Variants in EYS observed in about 807,000 individuals in gnomAD.
EYS encodes protein eyes shut homolog.
A neutral mutation model predicts 282.1 loss-of-function variants in EYS; 250 were observed. The observed-to-expected ratio is 0.89, with a 90% confidence interval of 0.80 to 0.98. The LOEUF is 0.98. EYS is among the 50% of genes least tolerant of loss of function. The pLI is 0.00. For missense variants in EYS, 4,016 were observed against 3,709.0 expected (o/e 1.08, Z -2.15); for synonymous variants, 1,355 against 1,282.9 (o/e 1.06, Z -1.20).
At chr6:64,099,239 A>G (rs1039746797) in intron 31 of EYS, among the ~76,000 whole-genome samples, 1 of 152,208 alleles carries the variant, frequency 6.6e-6, no homozygotes, top group Non-Finnish European at 1.5e-5. Flanking sequence ...TTTGGAAATG[A>G]GTGTTTGAGA....
intron 2 of EYS, among the ~76,000 whole-genome samples, chr6:65,622,251 C>G (rs913168566): frequency 1.5e-5 from 2 of 132,158 alleles, no homozygotes; most frequent in Non-Finnish European, 3.1e-5. Flanking sequence ...GAAATTTGAA[C>G]TTTATATTTT....
chr6:65,576,954 G>T (rs1764689907), intron 2 of EYS, among the ~76,000 whole-genome samples: 1 of 151,640 alleles, frequency 6.6e-6, no homozygotes, highest in Non-Finnish European at 1.5e-5. Flanking sequence ...TCCTCTTCAT[G>T]GATTAGAATA....
At chr6:65,624,363 G>A (rs1049918564) in intron 2 of EYS, among the ~76,000 whole-genome samples, 2 of 152,134 alleles carry the variant, frequency 1.3e-5, no homozygotes, top group African/African-American at 2.4e-5. Context: ...ACTTTGCAGA[G>A]GTGATGAAGG....
Position 64,772,063 on chromosome 6 carries a change from C to A in EYS, c.3443+41315G>T, listed in dbSNP as rs1377202264. On this transcript the variant is annotated intron_variant, in intron 22 of 42. Coordinates refer to ENST00000503581, the MANE Select transcript of EYS (RefSeq NM_001142800.2). Reference sequence around the variant, plus strand: ...TAGTAGTTTTTCACATGGAATCCTTCTTTCTTTTTTGGCATTTTCCTGTTA... The same window carrying A: ...TAGTAGTTTTTCACATGGAATCCTTATTTCTTTTTTGGCATTTTCCTGTTA... 2.0e-5 allele frequency among the ~76,000 whole-genome samples: 3 copies of A among 151,698 alleles called. No individual in the cohort carries two copies. In the East Asian group the frequency reaches 5.8e-4, roughly 29 times the overall value.
Position 64,636,405 on chromosome 6 carries a change from G to A in EYS, c.3444-10160C>T, listed in dbSNP as rs574796112. ...TAGCCATATGTAGAAAGCTGAAACT[G>A]GATCCCGTCCTTACATCTTATACAA... On this transcript the variant is annotated intron_variant, in intron 22 of 42. Coordinates refer to ENST00000503581, the MANE Select transcript of EYS (RefSeq NM_001142800.2). Among the ~76,000 whole-genome samples, 5 of 152,286 alleles carry A rather than the reference G, an allele frequency of 3.3e-5. No homozygotes were observed. The East Asian group carries it at 9.6e-4, about 29-fold the overall frequency.
intron 12 of EYS, among the ~76,000 whole-genome samples, chr6:65,207,976 C>T (rs565553545): frequency 1.3e-5 from 2 of 151,582 alleles, no homozygotes; most frequent in Non-Finnish European, 3.0e-5. Flanking sequence ...ATGACTACTA[C>T]CCTAAAAGCA....
chr6:65,554,433 T>C (rs1209279020), intron 2 of EYS, among the ~76,000 whole-genome samples: 2 of 152,166 alleles, frequency 1.3e-5, no homozygotes, highest in Admixed American at 1.3e-4. Context: ...TATACTGATA[T>C]CAGCCAAGAA....
intron 2 of EYS, among the ~76,000 whole-genome samples, chr6:65,545,545 A>G (rs1768353705): frequency 6.6e-6 from 1 of 152,176 alleles, no homozygotes; most frequent in South Asian, 2.1e-4. Context: ...CAAAGAGTAT[A>G]TTATCTGGGT....
At chr6:64,660,791 T>C (rs887961000) in intron 22 of EYS, among the ~76,000 whole-genome samples, 1 of 152,080 alleles carries the variant, frequency 6.6e-6, no homozygotes, top group African/African-American at 2.4e-5. Context: ...AGAATCAATA[T>C]CATGAAAATG....
rs550527437 is a variant in EYS, at chr6:65,003,709, C to G, written c.2138-6006G>C. Among the ~76,000 whole-genome samples, 2 of 146,984 alleles carry G rather than the reference C, an allele frequency of 1.4e-5. 1 individual carries two copies. The highest frequency in any genetic ancestry group is 4.9e-5 in the African/African-American group (2 of 41,034). ...TACTCTGTCCCTTTATTTCTCAAGC[C>G]GGCCGGCACTTAAGGAAAATAGAAA... is the stretch of plus-strand genomic sequence containing the variant. On this transcript the variant is annotated intron_variant, in intron 13 of 42. Coordinates refer to ENST00000503581, the MANE Select transcript of EYS (RefSeq NM_001142800.2).
chr6:65,320,391 C>T (rs979051613), intron 11 of EYS, among the ~76,000 whole-genome samples: 3 of 152,130 alleles, frequency 2.0e-5, no homozygotes, highest in African/African-American at 7.2e-5. Flanking sequence ...AGAGCTGCAG[C>T]CTGATATAGG....
intron 34 of EYS, among the ~76,000 whole-genome samples, chr6:63,994,950 C>T (rs1767768749): frequency 1.3e-5 from 2 of 151,738 alleles, no homozygotes; most frequent in South Asian, 4.1e-4. Flanking sequence ...GGGGAAAATG[C>T]TTCATTAGTT....
intron 1 of EYS, among the ~76,000 whole-genome samples, chr6:65,684,251 G>A (rs1483764015): frequency 6.6e-6 from 1 of 151,974 alleles, no homozygotes; most frequent in Admixed American, 6.6e-5. Flanking sequence ...AGTCATGCAG[G>A]ATTTAGTTAA....
At chr6:65,080,079 G>T (rs1774185700) in intron 12 of EYS, among the ~76,000 whole-genome samples, 1 of 152,156 alleles carries the variant, frequency 6.6e-6, no homozygotes, top group South Asian at 2.1e-4. Context: ...TTTTCAGGTG[G>T]AGAACTCTCT....
At chr6:63,946,871 G>C (rs1765413758) in intron 35 of EYS, among the ~76,000 whole-genome samples, 1 of 151,532 alleles carries the variant, frequency 6.6e-6, no homozygotes, top group South Asian at 2.1e-4. Context: ...TAGATGCTTG[G>C]GGTGATGAAT....
At chr6:63,854,234 G>GA (rs559082088) in intron 36 of EYS, among the ~76,000 whole-genome samples, 2 of 152,158 alleles carry the variant, frequency 1.3e-5, no homozygotes, top group Non-Finnish European at 2.9e-5. Context: ...ACTGGATAAA[G>GA]AAAACGTGGC....
intron 5 of EYS, among the ~76,000 whole-genome samples, chr6:65,428,705 T>C (rs1457221329): frequency 1.3e-5 from 2 of 152,120 alleles, no homozygotes; most frequent in South Asian, 4.1e-4. Flanking sequence ...ATACAAAATA[T>C]AGATAATCTT....
intron 5 of EYS, among the ~76,000 whole-genome samples, chr6:65,419,229 T>G (rs914023536): frequency 3.9e-5 from 6 of 151,960 alleles, no homozygotes; most frequent in South Asian, 2.1e-4. Context: ...AATCAGTCCT[T>G]TAGTAGTTCT....
chr6:64,989,724 T>G, intron 14 of EYS, among the ~76,000 whole-genome samples: 1 of 145,312 alleles, frequency 6.9e-6, no homozygotes, highest in Admixed American at 7.0e-5. Flanking sequence ...ATAATATAAT[T>G]TTATATTATA....
Sources: gnomAD v4.1 joint callset for allele counts (sites outside exome capture counted in the v4.1 genomes callset) on GRCh38, gnomAD v4.1.1 for gene constraint, MANE v1.5 for transcripts, NCBI Gene and HGNC (gene_info 2026-07-23, HGNC 2026-07-21) for gene names.